The following ERAP1 variants were observed in gnomAD, a reference collection of about 807,000 sequenced individuals.
ERAP1 encodes the protein endoplasmic reticulum aminopeptidase 1.
In ERAP1, 86 loss-of-function variants were observed where a neutral mutation model predicts 103.7. The ratio of observed to expected loss-of-function variants is 0.83; its 90% CI spans 0.70 to 0.99. ERAP1 has a LOEUF of 0.99. ERAP1 is among the 50% of genes least tolerant of loss of function. The probability of loss-of-function intolerance (pLI) is 0.00; values close to 1 mark genes in which losing one functional copy is unlikely to be tolerated. For synonymous variants in ERAP1, 398 were observed against 402.4 expected (o/e 0.99, Z 0.13); for missense variants, 1,009 against 1,128.4 (o/e 0.89, Z 1.52).
the ERAP1 span, among the ~76,000 whole-genome samples, chr5:96,845,344 C>T: frequency 6.6e-6 from 1 of 152,232 alleles, no homozygotes; most frequent in Non-Finnish European, 1.5e-5. Context: ...AAGTGATTCT[C>T]ATGCTTCACT....
chr5:96,883,521 T>C, the ERAP1 span, among the ~76,000 whole-genome samples: 1 of 152,196 alleles, frequency 6.6e-6, no homozygotes, highest in Non-Finnish European at 1.5e-5. Flanking sequence ...TCATTCAAGT[T>C]GTCTGAGCCT....
chr5:96,879,599 C>G, the ERAP1 span: 47 of 1,002,190 alleles, frequency 4.7e-5, no homozygotes, highest in African/African-American at 7.0e-4. Flanking sequence ...GTTCAGACCC[C>G]ATGTGACATA....
the ERAP1 span, among the ~76,000 whole-genome samples, chr5:96,877,893 C>T: frequency 6.6e-6 from 1 of 152,152 alleles, no homozygotes; most frequent in Non-Finnish European, 1.5e-5. Flanking sequence ...TTTAACAATA[C>T]CTGTCACCTG....
At position 96,774,696 on chromosome 5, in the gene ERAP1, A is replaced by AT. The variant is rs143366467; in HGVS notation, c.*1699dup. 0.061 allele frequency: 60,176 copies of AT among 982,606 alleles called. 1,987 individuals are homozygous for AT. The highest frequency in any genetic ancestry group is 0.078 in the Middle Eastern group (149 of 1,910). 60.9% of individuals were successfully genotyped at this position (982,606 alleles called of 1,614,324 possible). On this transcript the variant is annotated 3_prime_UTR_variant, in exon 19 of 19. Coordinates refer to ENST00000443439, the MANE Select transcript of ERAP1 (RefSeq NM_001040458.3). ...TTTTACATTAAAATCTTGGTTGTGT[A>AT]TTTTTTTAAAAGAAGGGAAATAGTT...
chr5:96,873,739 C>CA, the ERAP1 span: 5 of 320,854 alleles, frequency 1.6e-5, no homozygotes, highest in East Asian at 3.9e-4. Context: ...ACTCAACTAA[C>CA]ATTTGTTGAG....
chr5:96,775,556 A>C lies in ERAP1; in HGVS notation c.*840T>G. ...GACACTCACTCAGAATTATCTGAGG[A>C]GGGTTCTATAAAAAGATTTTTTGCA... On this transcript the variant is annotated 3_prime_UTR_variant, in exon 19 of 19. Coordinates refer to ENST00000443439, the MANE Select transcript of ERAP1 (RefSeq NM_001040458.3). 2 of 963,052 alleles carry C rather than the reference A, an allele frequency of 2.1e-6. No individual in the cohort carries two copies. Among genetic ancestry groups the C allele is most frequent in the Non-Finnish European group, 2.5e-6 (2 of 809,566 alleles). The allele number at this position is 963,052 out of a possible 1,614,324, so 59.7% of individuals were successfully genotyped here. A position where few individuals can be genotyped will look rare whatever the true frequency, so the allele number is the denominator to read the frequency against.
intron 16 of ERAP1, 94 bp from the exon 17 acceptor site, chr5:96,781,292 T>A: frequency 1.5e-6 from 2 of 1,320,986 alleles, no homozygotes; most frequent in Non-Finnish European, 2.1e-6. Context: ...GAAAAAAAAG[T>A]CTGCCAGTAA....
the ERAP1 span, among the ~76,000 whole-genome samples, chr5:96,838,339 G>A: frequency 1.3e-5 from 2 of 152,192 alleles, no homozygotes; most frequent in African/African-American, 4.8e-5. Flanking sequence ...TCCTGAGATG[G>A]ACCAGGTAGC....
At chr5:96,818,108 C>T in the ERAP1 span, among the ~76,000 whole-genome samples, 1 of 152,110 alleles carries the variant, frequency 6.6e-6, no homozygotes, top group African/African-American at 2.4e-5. Context: ...AATTGAGGTA[C>T]CAATCGTAGA....
At chr5:96,927,831 T>C in the ERAP1 span, among the ~76,000 whole-genome samples, 4 of 152,354 alleles carry the variant, frequency 2.6e-5, no homozygotes, top group Admixed American at 2.6e-4. Flanking sequence ...TTATATATGC[T>C]AGATACAAGT....
chr5:96,914,390 A>G, the ERAP1 span, among the ~76,000 whole-genome samples: 1 of 152,216 alleles, frequency 6.6e-6, no homozygotes, highest in African/African-American at 2.4e-5. Context: ...CAAAAAGCAC[A>G]TTTCCACTCC....
rs28432918 is a variant in ERAP1 at position 96,765,522 on chromosome 5, G to A, written c.2819-2294C>T. Among the ~76,000 whole-genome samples, 35,563 of 151,740 alleles carry A rather than the reference G, an allele frequency of 0.23. 4,716 individuals carry two copies. The highest frequency in any genetic ancestry group is 0.32 in the Non-Finnish European group (21,540 of 67,834). On this transcript the variant is annotated intron_variant, in intron 19 of 19. Coordinates refer to the ERAP1 transcript ENST00000296754. ...CTGAATCTGTGACAGAGATACCAGCGGAGCCTCCCTGAGGGGATTCTGGGA... is the reference window on the plus strand; with the variant it reads ...CTGAATCTGTGACAGAGATACCAGCAGAGCCTCCCTGAGGGGATTCTGGGA...
chr5:96,848,488 T>A, the ERAP1 span, among the ~76,000 whole-genome samples: 1 of 152,102 alleles, frequency 6.6e-6, no homozygotes, highest in Admixed American at 6.5e-5. Flanking sequence ...CAAAGAATCA[T>A]AAGAGACTAA....
chr5:96,783,287 A>C, intron 14 of ERAP1, 52 bp from the exon 15 acceptor site: 14 of 1,525,978 alleles, frequency 9.2e-6, no homozygotes, highest in Non-Finnish European at 1.2e-5. Context: ...AGGTCATTTC[A>C]TGTTAATATA....
chr5:96,910,327 G>C, the ERAP1 span: 1 of 150,320 alleles, frequency 6.7e-6, no homozygotes, highest in Non-Finnish European at 1.5e-5. Context: ...AACTTCTCTC[G>C]CTATAACTAA....
the ERAP1 span, among the ~76,000 whole-genome samples, chr5:96,922,412 T>TAG: frequency 1.3e-5 from 2 of 152,320 alleles, no homozygotes; most frequent in South Asian, 4.1e-4. Flanking sequence ...GAACACTCTT[T>TAG]TAAAACTCAA....
In ERAP1 at chr5:96,776,295, G is replaced by A; in HGVS notation, c.*101C>T. On this transcript the variant is annotated 3_prime_UTR_variant, in exon 19 of 19. Transcript: ENST00000443439. Reference sequence around the variant, plus strand: ...CAAAAAATGAGTTGAAGGGAAAAAAGTATCTCCAGTTGGAGCCAAAACAGC... The same window carrying A: ...CAAAAAATGAGTTGAAGGGAAAAAAATATCTCCAGTTGGAGCCAAAACAGC... 6.5e-7 allele frequency: 1 copy of A among 1,540,962 alleles called. No individual in the cohort carries two copies.
the ERAP1 span, among the ~76,000 whole-genome samples, chr5:96,827,200 G>A: frequency 6.6e-6 from 1 of 152,190 alleles, no homozygotes; most frequent in Non-Finnish European, 1.5e-5. Flanking sequence ...CAAAGGCAGG[G>A]GAAGTCAGTG....
chr5:96,787,426 C>T (rs542337152), intron 11 of ERAP1, among the ~76,000 whole-genome samples: 4 of 152,134 alleles, frequency 2.6e-5, no homozygotes, highest in East Asian at 1.9e-4. Flanking sequence ...CCACCATGCC[C>T]GGCTAATTTT....
Sources: allele counts gnomAD v4.1 joint callset (sites outside exome capture counted in the v4.1 genomes callset), GRCh38; gene constraint gnomAD v4.1.1; transcripts MANE v1.5; gene names NCBI Gene and HGNC (gene_info 2026-07-23, HGNC 2026-07-21).